The following SOX6 variants were observed in gnomAD, a reference collection of about 807,000 sequenced individuals.
SOX6 encodes SRY-box transcription factor 6.
In SOX6, 11 loss-of-function variants were observed where a neutral mutation model predicts 97.8. That is an observed-to-expected ratio of 0.11 (90% CI 0.07 to 0.19). The LOEUF (loss-of-function observed/expected upper bound fraction) is 0.19, where lower values mean the gene tolerates loss of function less well. Ranked by LOEUF, SOX6 falls within the 10% of genes least tolerant of loss-of-function variation. The probability of loss-of-function intolerance (pLI) is 1.00; values close to 1 mark genes in which losing one functional copy is unlikely to be tolerated. For synonymous variants in SOX6, 360 were observed against 371.4 expected (o/e 0.97, Z 0.35); for missense variants, 810 against 1,039.5 (o/e 0.78, Z 3.04).
At chr11:16,045,446 C>T (rs1324136669) in intron 12 of SOX6, among the ~76,000 whole-genome samples, 1 of 152,146 alleles carries the variant, frequency 6.6e-6, no homozygotes, top group Non-Finnish European at 1.5e-5. Context: ...GTCCAATCTT[C>T]CACAGTAGGC....
intron 1 of SOX6, among the ~76,000 whole-genome samples, chr11:16,457,962 C>T (rs7948235): frequency 1.3e-5 from 2 of 151,940 alleles, no homozygotes; most frequent in Non-Finnish European, 2.9e-5. Flanking sequence ...ATACTCTCAC[C>T]TTCACAGGAA....
At chr11:16,190,750 A>T (rs1053065517) in intron 4 of SOX6, among the ~76,000 whole-genome samples, 1 of 152,284 alleles carries the variant, frequency 6.6e-6, no homozygotes, top group Non-Finnish European at 1.5e-5. Flanking sequence ...ACCATACAAT[A>T]GCTTATATTC....
intron 4 of SOX6, among the ~76,000 whole-genome samples, chr11:16,544,115 A>G (rs1188334965): frequency 6.6e-6 from 1 of 152,226 alleles, no homozygotes; most frequent in East Asian, 1.9e-4. Flanking sequence ...AGCTAAAAAC[A>G]AAGGCCACAT....
At chr11:16,173,902 G>A (rs1054845118) in intron 6 of SOX6, among the ~76,000 whole-genome samples, 1 of 151,540 alleles carries the variant, frequency 6.6e-6, no homozygotes, top group Non-Finnish European at 1.5e-5. Context: ...CCAGGATGGA[G>A]TGCAGTGATC....
intron 3 of SOX6, among the ~76,000 whole-genome samples, chr11:16,272,402 A>G (rs1005760967): frequency 6.6e-6 from 1 of 151,744 alleles, no homozygotes; most frequent in Non-Finnish European, 1.5e-5. Flanking sequence ...CAAAATCTCT[A>G]CACTACACTG....
chr11:16,134,769 G>C (rs1849916094), intron 6 of SOX6, among the ~76,000 whole-genome samples: 1 of 152,154 alleles, frequency 6.6e-6, no homozygotes, highest in Non-Finnish European at 1.5e-5. Context: ...CTGTTCCCCT[G>C]TCTCTCTCCC....
At chr11:16,041,368 A>G (rs934875299) in intron 12 of SOX6, among the ~76,000 whole-genome samples, 2 of 152,120 alleles carry the variant, frequency 1.3e-5, no homozygotes, top group Non-Finnish European at 2.9e-5. Context: ...GAAGCAGAAG[A>G]TGTCCAGTAT....
chr11:16,100,960 T>C (rs1848930053), intron 7 of SOX6, among the ~76,000 whole-genome samples: 1 of 151,588 alleles, frequency 6.6e-6, no homozygotes, highest in African/African-American at 2.4e-5. Context: ...AAAAGATTCT[T>C]CAGTCGCATA....
At chr11:16,308,312 A>C (rs1180900311) in intron 3 of SOX6, among the ~76,000 whole-genome samples, 1 of 152,242 alleles carries the variant, frequency 6.6e-6, no homozygotes, top group Non-Finnish European at 1.5e-5. Context: ...AAACTCTAAA[A>C]TTTGGATACA....
intron 1 of SOX6, among the ~76,000 whole-genome samples, chr11:16,355,045 T>C (rs1857039033): frequency 6.6e-6 from 1 of 152,052 alleles, no homozygotes; most frequent in Non-Finnish European, 1.5e-5. Flanking sequence ...TGAGGAGTCA[T>C]AGATTTGCTA....
rs369767615 is a variant in SOX6 at position 16,125,706 on chromosome 11, C to A, written c.778-13783G>T. Among the ~76,000 whole-genome samples the A allele has an allele frequency of 5.0e-4, 76 of 151,926 alleles. 1 individual carries two copies. Among genetic ancestry groups the A allele is most frequent in the African/African-American group, 1.7e-3 (71 of 41,488 alleles). The stretch of plus-strand genomic sequence containing the variant: ...CTGAAAAAGAATACAAACTCAAGCC[C>A]AAAGAGAAGTGGAAGGATGGTGGTT... On this transcript the variant is annotated intron_variant, in intron 6 of 15. Transcript: ENST00000683767.
At chr11:16,358,496 A>C (rs546392462), upstream of SOX6, among the ~76,000 whole-genome samples, 1 of 152,270 alleles carries the variant, frequency 6.6e-6, no homozygotes, top group African/African-American at 2.4e-5. Context: ...ACAGAACACA[A>C]CATGACTAAA....
intron 4 of SOX6, among the ~76,000 whole-genome samples, chr11:16,572,453 G>T (rs979878970): frequency 7.2e-5 from 11 of 152,228 alleles, no homozygotes; most frequent in African/African-American, 2.6e-4. Context: ...AACCTATACA[G>T]ACAAAAATGA....
chr11:16,132,326 GGAAGGAAAGAAA>G (rs1564971955), intron 6 of SOX6, among the ~76,000 whole-genome samples: 104 of 66,202 alleles, frequency 1.6e-3, no homozygotes, highest in Non-Finnish European at 2.0e-3. Flanking sequence ...AAGGAAGGAA[GGAAGGAAAGAAA>G]AAAGAAAGAA....
chr11:16,256,487 C>T (rs1326915445), intron 3 of SOX6, among the ~76,000 whole-genome samples: 1 of 151,768 alleles, frequency 6.6e-6, no homozygotes, highest in Non-Finnish European at 1.5e-5. Flanking sequence ...AAACATTTGA[C>T]AAAATTCAAC....
At chr11:16,664,022 G>A (rs1847786391) in intron 3 of SOX6, among the ~76,000 whole-genome samples, 1 of 152,094 alleles carries the variant, frequency 6.6e-6, no homozygotes, top group Non-Finnish European at 1.5e-5. Context: ...ATGCCTTTTA[G>A]GAGGCCAGGG....
chr11:16,049,380 C>T (rs1181098464), intron 11 of SOX6, among the ~76,000 whole-genome samples: 1 of 151,090 alleles, frequency 6.6e-6, no homozygotes, highest in South Asian at 2.1e-4. Flanking sequence ...AATTCACATA[C>T]ACTTTGATAG....
At chr11:16,573,084 A>G (rs1265446062) in intron 4 of SOX6, among the ~76,000 whole-genome samples, 1 of 152,202 alleles carries the variant, frequency 6.6e-6, no homozygotes. Context: ...TCACAATATA[A>G]TAGCTCCTGA....
chr11:16,244,733 A>G (rs797016907), intron 3 of SOX6, among the ~76,000 whole-genome samples: 9 of 151,484 alleles, frequency 5.9e-5, no homozygotes, highest in African/African-American at 2.2e-4. Context: ...TGAAAATCAA[A>G]TGACTGTGTA....
Sources: allele counts gnomAD v4.1 joint callset (sites outside exome capture counted in the v4.1 genomes callset), GRCh38; gene constraint gnomAD v4.1.1; transcripts MANE v1.5; gene names NCBI Gene and HGNC (gene_info 2026-07-23, HGNC 2026-07-21).